The following USP22 variants were observed in gnomAD, a reference collection of about 807,000 sequenced individuals.
USP22 encodes the protein ubiquitin specific peptidase 22, also known as ubiquitin carboxyl-terminal hydrolase 22.
Under a neutral mutation model 68.1 loss-of-function variants are expected in USP22, and 22 were observed. That is an observed-to-expected ratio of 0.32 (90% CI 0.23 to 0.46). The LOEUF (loss-of-function observed/expected upper bound fraction) is 0.46, where lower values mean the gene tolerates loss of function less well. Ranked by LOEUF, USP22 falls within the 20% of genes least tolerant of loss-of-function variation. The pLI is 1.00. For synonymous variants in USP22, 279 were observed against 274.2 expected (o/e 1.02, Z -0.17); for missense variants, 433 against 695.8 (o/e 0.62, Z 4.25).
chr17:21,040,803 C>A (rs890512230), intron 1 of USP22, among the ~76,000 whole-genome samples: 1 of 151,872 alleles, frequency 6.6e-6, no homozygotes, highest in African/African-American at 2.4e-5. Context: ...AAATCTTGGG[C>A]GCGTCACGTC....
intron 12 of USP22, among the ~76,000 whole-genome samples, chr17:21,003,548 G>A (rs1300871810): frequency 1.3e-5 from 2 of 152,206 alleles, no homozygotes; most frequent in Non-Finnish European, 2.9e-5. Flanking sequence ...GACCCCTGGA[G>A]GGTCAACAGG....
In USP22 at chr17:21,007,862, A is replaced by G. The variant is rs1367059877; in HGVS notation, c.1230+8T>C. On this transcript the variant is annotated splice_region_variant and intron_variant, in intron 9 of 12. Transcript: ENST00000261497. ...CTGCCATTAGAGTTGGCTTTCTGGA[A>G]AACTTACTTTGAGATGAAAACAGGC... The G allele has an allele frequency of 6.2e-7, 1 of 1,614,170 alleles. No homozygotes were observed. Among genetic ancestry groups the G allele is most frequent in the East Asian group, 2.2e-5 (1 of 44,888 alleles).
At chr17:21,007,849 T>C (rs767765875) in intron 9 of USP22, 21 bp downstream of exon 9, 22 of 1,613,964 alleles carry the variant, frequency 1.4e-5, no homozygotes, top group Non-Finnish European at 1.7e-5. Flanking sequence ...GCCATTAGAG[T>C]TGGCTTTCTG....
intron 1 of USP22, among the ~76,000 whole-genome samples, chr17:21,039,883 AC>A (rs1471927726): frequency 6.6e-6 from 1 of 152,154 alleles, no homozygotes; most frequent in African/African-American, 2.4e-5. Flanking sequence ...AGCTTAAAGT[AC>A]TTTTACAGTC....
intron 10 of USP22, chr17:21,005,231 C>T (rs1913742918): frequency 3.8e-6 from 2 of 531,718 alleles, no homozygotes; most frequent in Non-Finnish European, 3.3e-6. Context: ...CTGGTTCTTC[C>T]AAGGTGGGTC....
intron 1 of USP22, among the ~76,000 whole-genome samples, chr17:21,033,440 C>T (rs760431558): frequency 6.6e-6 from 1 of 152,118 alleles, no homozygotes; most frequent in African/African-American, 2.4e-5. Context: ...ATATCCTGTC[C>T]TCTTATCTCC....
At chr17:21,008,514 C>T (rs1199064063) in intron 8 of USP22, among the ~76,000 whole-genome samples, 1 of 152,170 alleles carries the variant, frequency 6.6e-6, no homozygotes, top group Admixed American at 6.5e-5. Flanking sequence ...AAGCCAATCT[C>T]AAAGGGTTCC....
intron 1 of USP22, chr17:21,042,344 G>T (rs75263285): frequency 0.19 from 32,756 of 170,140 alleles, 3,913 homozygotes; most frequent in South Asian, 0.27. Context: ...AAGGGAGGGG[G>T]AGGGCGGAGA....
At chr17:21,015,242 G>A (rs1239601505) in intron 6 of USP22, among the ~76,000 whole-genome samples, 1 of 152,208 alleles carries the variant, frequency 6.6e-6, no homozygotes, top group Non-Finnish European at 1.5e-5. Context: ...GACTATGTTG[G>A]GGGAGATGGC....
chr17:21,039,632 T>TTCGTCATGTTC (rs926084305), intron 1 of USP22, among the ~76,000 whole-genome samples: 1 of 152,164 alleles, frequency 6.6e-6, no homozygotes, highest in African/African-American at 2.4e-5. Context: ...TGGTCATGTT[T>TTCGTCATGTTC]TTGTCATGTT....
At chr17:21,005,697 G>A (rs1264260748) in intron 10 of USP22, among the ~76,000 whole-genome samples, 1 of 152,234 alleles carries the variant, frequency 6.6e-6, no homozygotes, top group Non-Finnish European at 1.5e-5. Flanking sequence ...ACCAGGAAGA[G>A]GCCGCTAACT....
intron 1 of USP22, chr17:21,042,101 G>A (rs1972441081): frequency 6.6e-6 from 1 of 152,542 alleles, no homozygotes; most frequent in African/African-American, 2.4e-5. Context: ...GACCGCTGCA[G>A]ACCAACGCCC....
In USP22 at chr17:21,001,849, G is replaced by A. The variant is rs1913591370; in HGVS notation, c.*1182C>T. 6.6e-6 allele frequency: 1 copy of A among 152,220 alleles called. No homozygotes were observed. Among genetic ancestry groups the A allele is most frequent in the Non-Finnish European group, 1.5e-5 (1 of 68,034 alleles). The allele number at this position is 152,220 out of a possible 1,614,324, so 9.4% of individuals were successfully genotyped here. ...CAGATACATGCAAGATATCTTACAA[G>A]AAACAATGCACATCCTTCTACTTTC... On this transcript the variant is annotated 3_prime_UTR_variant, in exon 13 of 13. Coordinates refer to ENST00000261497, the MANE Select transcript of USP22 (RefSeq NM_015276.2).
chr17:21,008,196 T>C (rs1913837637), intron 8 of USP22, among the ~76,000 whole-genome samples, 200 bp from the exon 9 acceptor site: 1 of 152,186 alleles, frequency 6.6e-6, no homozygotes, highest in Admixed American at 6.5e-5. Flanking sequence ...TTATCTTAAA[T>C]ATTTTTTTTC....
chr17:21,014,972 G>A (rs983683126), intron 6 of USP22, among the ~76,000 whole-genome samples: 2 of 152,158 alleles, frequency 1.3e-5, no homozygotes, highest in African/African-American at 2.4e-5. Context: ...ACGCCAGCAC[G>A]GGCTTTAGGA....
chr17:21,008,907 A>C (rs1019013604), intron 8 of USP22, among the ~76,000 whole-genome samples: 11 of 152,000 alleles, frequency 7.2e-5, no homozygotes, highest in African/African-American at 2.4e-4. Flanking sequence ...CCTGACCAAC[A>C]TAAGAGAAAT....
chr17:21,017,388 G>A (rs1330412099), intron 5 of USP22, among the ~76,000 whole-genome samples: 1 of 152,272 alleles, frequency 6.6e-6, no homozygotes, highest in African/African-American at 2.4e-5. Context: ...GAGCCGGTGA[G>A]GGCTGAGGCG....
At chr17:21,017,459 C>T (rs1276834510) in intron 5 of USP22, among the ~76,000 whole-genome samples, 1 of 152,248 alleles carries the variant, frequency 6.6e-6, no homozygotes, top group African/African-American at 2.4e-5. Flanking sequence ...CAGAAGTGGA[C>T]AGGAACGCCA....
chr17:21,043,021 G>GC (rs1259296451), upstream of USP22: 2 of 294,320 alleles, frequency 6.8e-6, no homozygotes, highest in Non-Finnish European at 1.2e-5. Context: ...GGCAGGCACC[G>GC]CCCCCGAGCT....
Sources: gnomAD v4.1 joint callset for allele counts (sites outside exome capture counted in the v4.1 genomes callset) on GRCh38, gnomAD v4.1.1 for gene constraint, MANE v1.5 for transcripts, NCBI Gene and HGNC (gene_info 2026-07-23, HGNC 2026-07-21) for gene names.